FMN1: variants seen among roughly 807,000 people sequenced by gnomAD.
The protein encoded by FMN1 is formin 1.
A neutral mutation model predicts 132.4 loss-of-function variants in FMN1; 110 were observed. The observed-to-expected ratio is 0.83, with a 90% confidence interval of 0.71 to 0.97. The LOEUF (loss-of-function observed/expected upper bound fraction) is 0.97. Ranked by LOEUF, FMN1 falls within the 50% of genes least tolerant of loss-of-function variation. FMN1 has a pLI of 0.00. For missense variants in FMN1, 1,792 were observed against 1,705.3 expected, an observed-to-expected ratio of 1.05 and a Z score of -0.90; for synonymous variants, 722 against 651.7, an observed-to-expected ratio of 1.11 and a Z score of -1.64.
intron 6 of FMN1, among the ~76,000 whole-genome samples, chr15:33,016,345 A>T (rs935512336): frequency 2.6e-5 from 4 of 152,202 alleles, no homozygotes; most frequent in African/African-American, 9.7e-5. Flanking sequence ...TTTATTCCAA[A>T]ATCTAAGAAT....
chr15:32,776,696 T>A, intron 20 of FMN1, 139 bp downstream of exon 20: 1 of 570,924 alleles, frequency 1.8e-6, no homozygotes, highest in Non-Finnish European at 3.1e-6. Flanking sequence ...ACTTTTTTTT[T>A]TTTTTTTTTA....
At chr15:32,910,290 C>A (rs1432239238) in intron 11 of FMN1, among the ~76,000 whole-genome samples, 184 bp downstream of exon 11, 1 of 152,216 alleles carries the variant, frequency 6.6e-6, no homozygotes, top group Non-Finnish European at 1.5e-5. Flanking sequence ...AGCCCAGATA[C>A]CACAGTGGGA....
At chr15:33,006,714 G>A (rs1298028048) in intron 7 of FMN1, among the ~76,000 whole-genome samples, 1 of 151,966 alleles carries the variant, frequency 6.6e-6, no homozygotes, top group Non-Finnish European at 1.5e-5. Flanking sequence ...TCTTTAAAAA[G>A]AAAAAAATAA....
chr15:32,777,531 ACATAACATTTATATATTACG>A, intron 19 of FMN1, among the ~76,000 whole-genome samples: 1 of 61,286 alleles, frequency 1.6e-5, no homozygotes, highest in Non-Finnish European at 3.7e-5. Context: ...ATTACGTATA[ACATAACATTTATATATTACG>A]TATAACATAT....
chr15:32,932,336 G>A (rs976361775), intron 9 of FMN1, among the ~76,000 whole-genome samples: 1 of 152,224 alleles, frequency 6.6e-6, no homozygotes, highest in Non-Finnish European at 1.5e-5. Flanking sequence ...GGGAGGCCAA[G>A]GTTGCAGTGA....
At chr15:33,109,062 C>T (rs1211913520) in intron 4 of FMN1, among the ~76,000 whole-genome samples, 1 of 151,380 alleles carries the variant, frequency 6.6e-6, no homozygotes, top group Admixed American at 6.6e-5. Flanking sequence ...CATAACTTTA[C>T]CATTTATAAC....
At chr15:32,913,964 G>C (rs1262244743) in intron 10 of FMN1, among the ~76,000 whole-genome samples, 1 of 152,154 alleles carries the variant, frequency 6.6e-6, no homozygotes, top group Admixed American at 6.5e-5. Flanking sequence ...AGCCTTATAA[G>C]GCATGTATCT....
chr15:33,005,233 G>A (rs984982616), intron 7 of FMN1, among the ~76,000 whole-genome samples: 135 of 151,828 alleles, frequency 8.9e-4, no homozygotes, highest in Non-Finnish European at 1.6e-3. Flanking sequence ...GTATAAATTG[G>A]ATGTACCACC....
intron 11 of FMN1, 89 bp downstream of exon 11, chr15:32,910,385 C>A: frequency 2.7e-6 from 3 of 1,096,094 alleles, no homozygotes; most frequent in South Asian, 1.4e-5. Context: ...CGTCAAAACC[C>A]TTACTACCAA....
intron 4 of FMN1, among the ~76,000 whole-genome samples, chr15:33,152,788 C>CAAAAAAAAAA (rs367698101): frequency 0.41 from 26,162 of 64,450 alleles, 4,731 homozygotes; most frequent in Non-Finnish European, 0.41. Context: ...TAGAGGATGC[C>CAAAAAAAAAA]AAAAAAAAAA....
chr15:32,891,781 T>C (rs1345135881), intron 15 of FMN1, among the ~76,000 whole-genome samples: 1 of 152,114 alleles, frequency 6.6e-6, no homozygotes, highest in African/African-American at 2.4e-5. Flanking sequence ...GGTATATTAC[T>C]ATACACACAT....
At chr15:32,990,892 C>A (rs531423001) in intron 7 of FMN1, among the ~76,000 whole-genome samples, 8 of 152,194 alleles carry the variant, frequency 5.3e-5, no homozygotes, top group East Asian at 3.9e-4. Context: ...CTCACTCTCA[C>A]GAGAATAGCA....
intron 17 of FMN1, among the ~76,000 whole-genome samples, chr15:32,810,619 C>G (rs1363346252): frequency 6.6e-6 from 1 of 152,158 alleles, no homozygotes; most frequent in East Asian, 1.9e-4. Flanking sequence ...TTTAAATGTA[C>G]CCAAATAACC....
At chr15:32,847,787 G>A (rs371110729) in intron 17 of FMN1, among the ~76,000 whole-genome samples, 5 of 152,206 alleles carry the variant, frequency 3.3e-5, no homozygotes, top group African/African-American at 4.8e-5. Context: ...CCTGGGAGGC[G>A]GAGCGTGCAG....
intron 3 of FMN1, among the ~76,000 whole-genome samples, chr15:33,175,189 C>A (rs1965473985): frequency 6.6e-6 from 1 of 152,086 alleles, no homozygotes; most frequent in African/African-American, 2.4e-5. Context: ...CAATGCTCAG[C>A]TGATTTGTTT....
At chr15:32,784,365 G>GAGGTCTGCTTTTCT (rs1158617443) in intron 19 of FMN1, among the ~76,000 whole-genome samples, 5 of 151,524 alleles carry the variant, frequency 3.3e-5, no homozygotes, top group African/African-American at 1.2e-4. Context: ...TAGACAAAAA[G>GAGGTCTGCTTTTCT]AGGTCTGCTT....
chr15:32,832,507 C>T (rs548312646), intron 17 of FMN1, among the ~76,000 whole-genome samples: 11 of 152,110 alleles, frequency 7.2e-5, no homozygotes, highest in Admixed American at 2.6e-4. Flanking sequence ...GGGCTGGGTG[C>T]GGTGGCTCAC....
intron 16 of FMN1, among the ~76,000 whole-genome samples, chr15:32,877,692 C>T (rs2059670365): frequency 6.6e-6 from 1 of 152,228 alleles, no homozygotes; most frequent in African/African-American, 2.4e-5. Context: ...GAGGAACCCA[C>T]TACTGCTCAA....
intron 17 of FMN1, among the ~76,000 whole-genome samples, chr15:32,830,501 A>G (rs1370623650): frequency 6.6e-6 from 1 of 152,212 alleles, no homozygotes; most frequent in Non-Finnish European, 1.5e-5. Context: ...TTTATGATCT[A>G]AATGAGGAGG....
Sources: allele counts gnomAD v4.1 joint callset (sites outside exome capture counted in the v4.1 genomes callset), GRCh38; gene constraint gnomAD v4.1.1; transcripts MANE v1.5; gene names NCBI Gene and HGNC (gene_info 2026-07-23, HGNC 2026-07-21).